Variants in DCTN5 observed in about 807,000 individuals in gnomAD.
DCTN5 encodes the protein dynactin 4.
DCTN5 carries 14 observed loss-of-function variants against 23.5 expected under a neutral mutation model. The ratio of observed to expected loss-of-function variants is 0.60; its 90% CI spans 0.39 to 0.93. The LOEUF (loss-of-function observed/expected upper bound fraction) is 0.93, where lower values mean the gene tolerates loss of function less well. Among genes scored for constraint, DCTN5 ranks in the 40% least tolerant of loss-of-function variants. The pLI is 0.00. For missense variants in DCTN5, 156 were observed against 225.9 expected (o/e 0.69, Z 1.98); for synonymous variants, 67 against 79.6 (o/e 0.84, Z 0.84).
Position 23,642,845 on chromosome 16 carries a change from G to A in DCTN5, c.49-110G>A, listed in dbSNP as rs192320953. On this transcript the variant is annotated intron_variant, in intron 1 of 5. Transcript: ENST00000300087. ...TCCTGGACTCACTCCATTGTGGACA[G>A]CACCCCACTTTATGTTTTTTTCTCT... 187 of 889,538 alleles carry A rather than the reference G, an allele frequency of 2.1e-4. 1 individual carries two copies. The African/African-American group carries it at 2.6e-3, about 13-fold the overall frequency. The allele number at this position is 889,538 out of a possible 1,614,324, so 55.1% of individuals were successfully genotyped here. A position where few individuals can be genotyped will look rare whatever the true frequency, so the allele number is the denominator to read the frequency against.
intron 2 of DCTN5, among the ~76,000 whole-genome samples, chr16:23,648,355 T>TTTTTTC (rs1567229648): frequency 2.7e-5 from 4 of 146,572 alleles, no homozygotes; most frequent in African/African-American, 1.0e-4. Flanking sequence ...TTTTTTTTTT[T>TTTTTTC]TTTTTTTTTT....
rs1163392289 is a variant in DCTN5 at position 23,645,106 on chromosome 16, TATATATATATATATATATATATATATATA to T, written c.117+2084_117+2112del. ...AACTATATATATATATATATATATATATATATATATATATATATATATATATATATATTTTTTTTTTTTTTAATACGCAG... is the reference window on the plus strand; with the variant it reads ...AACTATATATATATATATATATATATTATTTTTTTTTTTTTTAATACGCAG... On this transcript the variant is annotated intron_variant, in intron 2 of 5. Coordinates refer to ENST00000300087, the MANE Select transcript of DCTN5 (RefSeq NM_032486.4). Among the ~76,000 whole-genome samples, 107 of 32,204 alleles carry T rather than the reference TATATATATATATATATATATATATATATA, an allele frequency of 3.3e-3. 4 individuals carry two copies. The highest frequency in any genetic ancestry group is 0.012 in the South Asian group (14 of 1,124). 21.1% of individuals were successfully genotyped at this position (32,204 alleles called of 152,430 possible). A position where few individuals can be genotyped will look rare whatever the true frequency, so the allele number is the denominator to read the frequency against.
chr16:23,656,788 C>T (rs1967711607), intron 2 of DCTN5, among the ~76,000 whole-genome samples: 1 of 151,842 alleles, frequency 6.6e-6, no homozygotes, highest in African/African-American at 2.4e-5. Flanking sequence ...GTCAGGAGTT[C>T]AAGACCAGCC....
chr16:23,661,408 A>C, intron 4 of DCTN5, 127 bp downstream of exon 4: 1 of 635,556 alleles, frequency 1.6e-6, no homozygotes, highest in Non-Finnish European at 2.7e-6. Context: ...CCAGAGTTGG[A>C]TTTTTCTTGA....
At chr16:23,650,378 G>A (rs1014875913) in intron 2 of DCTN5, among the ~76,000 whole-genome samples, 12 of 151,906 alleles carry the variant, frequency 7.9e-5, no homozygotes, top group African/African-American at 2.9e-4. Context: ...AGGCTGGAGT[G>A]TAATGGTGCG....
At position 23,662,959 on chromosome 16, in the gene DCTN5, T is replaced by G. The variant is rs967564484; in HGVS notation, c.348+1678T>G. Reference sequence around the variant, plus strand: ...CACTTTTTAATACATCACTTCATGATATAGTCATTGTTCCATATTGGCGGT... The same window carrying G: ...CACTTTTTAATACATCACTTCATGAGATAGTCATTGTTCCATATTGGCGGT... On this transcript the variant is annotated intron_variant, in intron 4 of 5. Transcript: ENST00000300087. Among the ~76,000 whole-genome samples, 3 of 152,230 alleles carry G rather than the reference T, an allele frequency of 2.0e-5. No homozygotes were observed. In the East Asian group the frequency reaches 5.8e-4, roughly 29 times the overall value.
intron 2 of DCTN5, among the ~76,000 whole-genome samples, chr16:23,649,077 C>T (rs1487718636): frequency 6.6e-6 from 1 of 152,120 alleles, no homozygotes; most frequent in Non-Finnish European, 1.5e-5. Context: ...TCAGGCTGGT[C>T]TCGAACTCCT....
intron 2 of DCTN5, among the ~76,000 whole-genome samples, chr16:23,655,792 G>C (rs1967693919): frequency 6.6e-6 from 1 of 152,118 alleles, no homozygotes; most frequent in Non-Finnish European, 1.5e-5. Flanking sequence ...CAGTCCTCCT[G>C]CATCAGCCTC....
chr16:23,645,091 A>ATCTATC (rs1567228223), intron 2 of DCTN5, among the ~76,000 whole-genome samples: 1 of 13,420 alleles, frequency 7.5e-5, no homozygotes, highest in East Asian at 2.6e-3. Context: ...AACTATATAT[A>ATCTATC]TATATATATA....
rs180750262 is a variant in DCTN5 at position 23,676,450 on chromosome 16, G to C, written c.*9306G>C. ...TGTGCACCTGTAGTCCCAGCTACTCGGGAGGCTGAGGCAGGAGAATCGCTT... is the reference window on the plus strand; with the variant it reads ...TGTGCACCTGTAGTCCCAGCTACTCCGGAGGCTGAGGCAGGAGAATCGCTT... On this transcript the variant is annotated 3_prime_UTR_variant, in exon 6 of 6. Transcript: ENST00000300087. 6.6e-6 allele frequency: 1 copy of C among 152,210 alleles called. No homozygotes were observed. The highest frequency in any genetic ancestry group is 1.5e-5 in the Non-Finnish European group (1 of 68,176). The allele number at this position is 152,210 out of a possible 1,614,324, so 9.4% of individuals were successfully genotyped here.
In DCTN5 at chr16:23,641,500, T is replaced by A. The variant is rs367958812; in HGVS notation, c.-43T>A. The A allele has an allele frequency of 4.6e-5, 75 of 1,613,030 alleles. No individual in the cohort carries two copies. The highest frequency in any genetic ancestry group is 5.8e-5 in the Non-Finnish European group (68 of 1,179,372). ...CGGAATCTCTGAAAGACTGACCGAC[T>A]GACTCTGACAGGATCCGGGGCTGAG... On this transcript the variant is annotated 5_prime_UTR_variant, in exon 1 of 6. Coordinates refer to ENST00000300087, the MANE Select transcript of DCTN5 (RefSeq NM_032486.4).
intron 2 of DCTN5, among the ~76,000 whole-genome samples, chr16:23,654,706 T>C (rs1172756966): frequency 6.6e-6 from 1 of 152,208 alleles, no homozygotes; most frequent in African/African-American, 2.4e-5. Context: ...CTAGGTCTTA[T>C]TTCTTCTATC....
Position 23,645,168 on chromosome 16 carries a change from C to G in DCTN5, c.117+2145C>G, listed in dbSNP as rs186337947. ...TTTTTTTTTAATACGCAGTTTTGCTCTTGTTGCCCAGGCTGGAGTGCAATG... is the reference window on the plus strand; with the variant it reads ...TTTTTTTTTAATACGCAGTTTTGCTGTTGTTGCCCAGGCTGGAGTGCAATG... On this transcript the variant is annotated intron_variant, in intron 2 of 5. Coordinates refer to ENST00000300087, the MANE Select transcript of DCTN5 (RefSeq NM_032486.4). Among the ~76,000 whole-genome samples, 4 of 93,914 alleles carry G rather than the reference C, an allele frequency of 4.3e-5. No individual in the cohort carries two copies. In the East Asian group the frequency reaches 1.3e-3, roughly 30 times the overall value. 61.6% of individuals were successfully genotyped at this position (93,914 alleles called of 152,430 possible).
intron 5 of DCTN5, chr16:23,666,837 G>C: frequency 1.5e-6 from 1 of 671,368 alleles, no homozygotes. Flanking sequence ...AGGAAGGAGA[G>C]ACTTTTGTTT....
At chr16:23,643,075 A>G (rs528459331) in intron 2 of DCTN5, 52 bp downstream of exon 2, 1 of 1,453,878 alleles carries the variant, frequency 6.9e-7, no homozygotes, top group African/African-American at 1.4e-5. Flanking sequence ...CGTTCTGCTA[A>G]TTGTCACCAC....
At chr16:23,660,294 A>G (rs982895115) in intron 3 of DCTN5, among the ~76,000 whole-genome samples, 2 of 152,242 alleles carry the variant, frequency 1.3e-5, no homozygotes, top group Admixed American at 6.5e-5. Context: ...GAATTCTTCT[A>G]TACTGCCCTT....
chr16:23,673,832 A>C lies in DCTN5; in HGVS notation c.*6688A>C, dbSNP rs1484094437. ...GGAAAGAGGGAGACAACATGTAAAG[A>C]GAAGCAATCTGTTTGGAAAATGAAA... is the stretch of plus-strand genomic sequence containing the variant. On this transcript the variant is annotated 3_prime_UTR_variant, in exon 6 of 6. Coordinates refer to ENST00000300087, the MANE Select transcript of DCTN5 (RefSeq NM_032486.4). 1 of 152,268 alleles carries C rather than the reference A, an allele frequency of 6.6e-6. No individual in the cohort carries two copies. Among genetic ancestry groups the C allele is most frequent in the Non-Finnish European group, 1.5e-5 (1 of 68,056 alleles). 9.4% of individuals were successfully genotyped at this position (152,268 alleles called of 1,614,324 possible). A position where few individuals can be genotyped will look rare whatever the true frequency, so the allele number is the denominator to read the frequency against.
chr16:23,665,482 A>G (rs964261064), intron 4 of DCTN5, 144 bp from the exon 5 acceptor site: 44 of 681,962 alleles, frequency 6.5e-5, no homozygotes, highest in Non-Finnish European at 7.1e-5. Context: ...CCTTCTCGTC[A>G]GGTACCACCT....
intron 3 of DCTN5, among the ~76,000 whole-genome samples, chr16:23,660,639 CTT>C (rs1426779719): frequency 1.3e-5 from 2 of 152,218 alleles, no homozygotes; most frequent in Non-Finnish European, 2.9e-5. Flanking sequence ...CATTTCTTCT[CTT>C]GATTGCAAGC....
Sources: allele counts gnomAD v4.1 joint callset (sites outside exome capture counted in the v4.1 genomes callset), GRCh38; gene constraint gnomAD v4.1.1; transcripts MANE v1.5; gene names NCBI Gene and HGNC (gene_info 2026-07-23, HGNC 2026-07-21).